The following STAB2 variants were observed in gnomAD, a reference collection of about 807,000 sequenced individuals.
The protein encoded by STAB2 is stabilin 2, also known as stabilin-2.
In STAB2, 288 loss-of-function variants were observed where a neutral mutation model predicts 338.1. That is an observed-to-expected ratio of 0.85 (90% confidence interval 0.77 to 0.94). The LOEUF (loss-of-function observed/expected upper bound fraction) is 0.94. Ranked by LOEUF, STAB2 falls within the 40% of genes least tolerant of loss-of-function variation. The probability of loss-of-function intolerance (pLI) is 0.00; values close to 1 mark genes in which losing one functional copy is unlikely to be tolerated. For missense variants in STAB2, 3,141 were observed against 3,210.1 expected (o/e 0.98, Z 0.52); for synonymous variants, 1,202 against 1,193.3 (o/e 1.01, Z -0.15).
intron 9 of STAB2, among the ~76,000 whole-genome samples, chr12:103,647,454 T>C (rs556939385): frequency 3.9e-5 from 6 of 152,314 alleles, no homozygotes; most frequent in Non-Finnish European, 7.4e-5. Context: ...CCTGCATCTC[T>C]CCTCTCTGGA....
intron 22 of STAB2, among the ~76,000 whole-genome samples, chr12:103,671,087 GA>G (rs1875742459): frequency 6.6e-6 from 1 of 152,160 alleles, no homozygotes; most frequent in Admixed American, 6.5e-5. Flanking sequence ...GCTGGTCTGG[GA>G]AGCACACTTT....
At chr12:103,653,292 A>G (rs1333720490) in intron 12 of STAB2, among the ~76,000 whole-genome samples, 1 of 152,168 alleles carries the variant, frequency 6.6e-6, no homozygotes, top group East Asian at 1.9e-4. Context: ...CATTTTACTG[A>G]ACATCGATAG....
chr12:103,755,543 C>A, intron 62 of STAB2, 69 bp from the exon 63 acceptor site: 1 of 1,608,834 alleles, frequency 6.2e-7, no homozygotes. Context: ...AGTCACTCCC[C>A]AAGCAGAAGC....
intron 34 of STAB2, among the ~76,000 whole-genome samples, chr12:103,701,423 C>T (rs550505826): frequency 2.0e-4 from 31 of 152,238 alleles, no homozygotes; most frequent in East Asian, 1.4e-3. Flanking sequence ...CCTGAGGAAA[C>T]GCCACACTGA....
chr12:103,653,258 A>G (rs11111703), intron 12 of STAB2, among the ~76,000 whole-genome samples: 26,852 of 152,050 alleles, frequency 0.18, 2,469 homozygotes, highest in South Asian at 0.24. Context: ...GTGCATGTAT[A>G]TAGGCATAGG....
In STAB2 at chr12:103,735,492, T is replaced by C. The variant is rs555153328; in HGVS notation, c.5462T>C (p.Val1821Ala). 2 of 1,607,586 alleles carry C rather than the reference T, an allele frequency of 1.2e-6. No homozygotes were observed. The highest frequency in any genetic ancestry group is 1.1e-5 in the South Asian group (1 of 89,724). ...LKFHVIRDAK[V>A]LAVDLPTSTA... ...CACGTGGTGCCATCACTCCTACAGG[T>C]TTTAGCTGTGGATCTTCCCACATCC... Residue 1821 changes from valine to alanine, a missense_variant and splice_region_variant, in exon 52 of 69, where the codon GTT becomes GCT. Coordinates refer to ENST00000388887, the MANE Select transcript of STAB2 (RefSeq NM_017564.10).
At chr12:103,741,204 T>TTC (rs1882557701) in intron 55 of STAB2, among the ~76,000 whole-genome samples, 1 of 152,284 alleles carries the variant, frequency 6.6e-6, no homozygotes, top group African/African-American at 2.4e-5. Context: ...ATTGGCTCCC[T>TTC]CTGTTACCTC....
At chr12:103,624,387 AC>A (rs1389295839) in intron 5 of STAB2, among the ~76,000 whole-genome samples, 9 of 152,138 alleles carry the variant, frequency 5.9e-5, no homozygotes, top group Admixed American at 5.9e-4. Flanking sequence ...TGGTTTTAGA[AC>A]CCAGGCTTTA....
chr12:103,633,887 C>T (rs1345319220), intron 6 of STAB2, among the ~76,000 whole-genome samples: 5 of 152,118 alleles, frequency 3.3e-5, no homozygotes, highest in African/African-American at 1.2e-4. Context: ...TTCCTACAAC[C>T]TACGGGAGAA....
intron 68 of STAB2, chr12:103,766,034 G>T (rs1467185124): frequency 1.5e-6 from 1 of 645,714 alleles, no homozygotes; most frequent in Non-Finnish European, 2.9e-6. Flanking sequence ...TGTAGATGAA[G>T]AAACTGCAGC....
At chr12:103,689,618 A>G (rs1034234734) in intron 28 of STAB2, among the ~76,000 whole-genome samples, 2 of 152,182 alleles carry the variant, frequency 1.3e-5, no homozygotes, top group African/African-American at 4.8e-5. Flanking sequence ...TGAAAGTGTG[A>G]TCTCATTATC....
At chr12:103,659,352 G>C (rs576251610) in intron 15 of STAB2, among the ~76,000 whole-genome samples, 4 of 152,190 alleles carry the variant, frequency 2.6e-5, no homozygotes, top group Non-Finnish European at 5.9e-5. Context: ...GAGGAGGCTG[G>C]GTGAGGAAAC....
intron 43 of STAB2, 56 bp from the exon 44 acceptor site, chr12:103,717,714 C>A (rs1400401217): frequency 3.3e-6 from 5 of 1,508,904 alleles, no homozygotes; most frequent in Non-Finnish European, 4.6e-6. Flanking sequence ...CCAGACCATG[C>A]GGCCAGTACA....
chr12:103,631,786 G>A lies in STAB2; in HGVS notation c.583+93G>A, dbSNP rs1257886031. 7.9e-6 allele frequency: 10 copies of A among 1,267,626 alleles called. No individual in the cohort carries two copies. In the Admixed American group the frequency reaches 1.1e-4, roughly 14 times the overall value. The allele number at this position is 1,267,626 out of a possible 1,614,324, so 78.5% of individuals were successfully genotyped here. A position where few individuals can be genotyped will look rare whatever the true frequency, so the allele number is the denominator to read the frequency against. ...TGTATCTGTTACTGGTTCTCTGCAG[G>A]GGCAAGGTACTACCAAAAGTTTTCT... On this transcript the variant is annotated intron_variant, in intron 6 of 68. Coordinates refer to ENST00000388887, the MANE Select transcript of STAB2 (RefSeq NM_017564.10).
At chr12:103,608,223 C>T (rs1338682570) in intron 3 of STAB2, among the ~76,000 whole-genome samples, 1 of 152,174 alleles carries the variant, frequency 6.6e-6, no homozygotes, top group Non-Finnish European at 1.5e-5. Context: ...ACTGCAAGCT[C>T]CGCCTCATGG....
At chr12:103,716,449 A>G (rs377058229) in intron 43 of STAB2, among the ~76,000 whole-genome samples, 8 of 152,308 alleles carry the variant, frequency 5.3e-5, no homozygotes, top group African/African-American at 1.9e-4. Flanking sequence ...GGCCTTCCTC[A>G]GTTTCTGCCA....
At position 103,765,817 on chromosome 12, in the gene STAB2, C is replaced by T. The variant is rs573795837; in HGVS notation, c.7606-469C>T. 1.2e-4 allele frequency among the ~76,000 whole-genome samples: 18 copies of T among 152,332 alleles called. No individual in the cohort carries two copies. The South Asian group carries it at 3.5e-3, about 30-fold the overall frequency. ...TCAGCCTCCCGAAGTGCTGGGATTACAGGCGCGAGCCACCATGCCCGGCTG... is the reference window on the plus strand; with the variant it reads ...TCAGCCTCCCGAAGTGCTGGGATTATAGGCGCGAGCCACCATGCCCGGCTG... On this transcript the variant is annotated intron_variant, in intron 68 of 68. Coordinates refer to ENST00000388887, the MANE Select transcript of STAB2 (RefSeq NM_017564.10).
chr12:103,707,374 T>C (rs1360045337), intron 38 of STAB2, among the ~76,000 whole-genome samples: 1 of 152,214 alleles, frequency 6.6e-6, no homozygotes, highest in Non-Finnish European at 1.5e-5. Context: ...CTTAGGTACA[T>C]GAGTATTGCT....
At chr12:103,750,787 G>A in intron 60 of STAB2, 67 bp downstream of exon 60, 1 of 1,517,938 alleles carries the variant, frequency 6.6e-7, no homozygotes. Context: ...GGACCCTCAA[G>A]GGAAAGAAGA....
Sources: allele counts gnomAD v4.1 joint callset (sites outside exome capture counted in the v4.1 genomes callset), GRCh38; gene constraint gnomAD v4.1.1; transcripts MANE v1.5; gene names NCBI Gene and HGNC (gene_info 2026-07-23, HGNC 2026-07-21).